The following LMTK2 variants were observed in gnomAD, a reference collection of about 807,000 sequenced individuals.
LMTK2 encodes the protein lemur tail kinase 2, also known as serine/threonine-protein kinase LMTK2.
Under a neutral mutation model 127.5 loss-of-function variants are expected in LMTK2, and 37 were observed. The ratio of observed to expected loss-of-function variants is 0.29; its 90% CI spans 0.22 to 0.38. The LOEUF is 0.38. Ranked by LOEUF, LMTK2 falls within the 10% of genes least tolerant of loss-of-function variation. The probability of loss-of-function intolerance (pLI) is 1.00; values close to 1 mark genes in which losing one functional copy is unlikely to be tolerated. For synonymous variants in LMTK2, 819 were observed against 810.1 expected (o/e 1.01, Z -0.19); for missense variants, 1,694 against 1,920.3 (o/e 0.88, Z 2.20).
chr7:98,119,091 CAAA>C (rs11309792), intron 1 of LMTK2, among the ~76,000 whole-genome samples: 8 of 89,346 alleles, frequency 9.0e-5, no homozygotes, highest in Non-Finnish European at 9.5e-5. Context: ...GAATCCATCT[CAAA>C]AAAAAAAAAA....
chr7:98,154,806 G>A lies in LMTK2; in HGVS notation c.499G>A (p.Val167Met), dbSNP rs374467008. Residue 167 changes from valine to methionine, a missense_variant, in exon 5 of 14, where the codon GTG becomes ATG. Physicochemically the swap from Val to Met is conservative, Grantham distance 21. Coordinates refer to ENST00000297293, the MANE Select transcript of LMTK2 (RefSeq NM_014916.4). The stretch of plus-strand genomic sequence containing the variant: ...GGGCACTAGCGTAGCAAGAGTCATC[G>A]TGAAGGAGTTAAAAGCAAGTGCCAA... ...YTGTSVARVI[V>M]KELKASANPK... 2.3e-5 allele frequency: 37 copies of A among 1,613,916 alleles called. No homozygotes were observed. The East Asian group carries it at 2.7e-4, about 12-fold the overall frequency.
intron 1 of LMTK2, among the ~76,000 whole-genome samples, chr7:98,114,240 G>GTTT (rs554396308): frequency 4.6e-5 from 6 of 130,962 alleles, no homozygotes; most frequent in Admixed American, 8.0e-5. Flanking sequence ...TTTTTTTAAA[G>GTTT]TTTTTTTTTT....
intron 7 of LMTK2, among the ~76,000 whole-genome samples, chr7:98,174,294 A>G (rs1797243589): frequency 1.3e-5 from 2 of 152,174 alleles, no homozygotes; most frequent in Admixed American, 1.3e-4. Context: ...AACAACCTAC[A>G]TGTCCAATTA....
intron 1 of LMTK2, among the ~76,000 whole-genome samples, chr7:98,128,375 G>A (rs1222295975): frequency 1.3e-5 from 2 of 152,132 alleles, no homozygotes; most frequent in Non-Finnish European, 2.9e-5. Flanking sequence ...GCACACGGAA[G>A]AAAGCCCCTT....
rs1797848081 is a variant in LMTK2, at chr7:98,208,919, C to T, written c.*3427C>T. ...GCCTTTCCAAACCCCTCCTTTTATT[C>T]CTGTTTCCCGAAATAAGGTATTTGT... On this transcript the variant is annotated 3_prime_UTR_variant, in exon 14 of 14. Transcript: ENST00000297293. 1 of 152,204 alleles carries T rather than the reference C, an allele frequency of 6.6e-6. No homozygotes were observed. Among genetic ancestry groups the T allele is most frequent in the African/African-American group, 2.4e-5 (1 of 41,440 alleles). The allele number at this position is 152,204 out of a possible 1,614,324, so 9.4% of individuals were successfully genotyped here. A position where few individuals can be genotyped will look rare whatever the true frequency, so the allele number is the denominator to read the frequency against.
chr7:98,111,625 G>GT (rs1398317036), intron 1 of LMTK2, among the ~76,000 whole-genome samples: 1 of 152,214 alleles, frequency 6.6e-6, no homozygotes, highest in Non-Finnish European at 1.5e-5. Flanking sequence ...CCAAAGGGTT[G>GT]TGGGGGGCAC....
chr7:98,183,715 A>G (rs1291857243), intron 7 of LMTK2, among the ~76,000 whole-genome samples: 1 of 152,028 alleles, frequency 6.6e-6, no homozygotes, highest in South Asian at 2.1e-4. Context: ...TTGTATTTTC[A>G]GTAGAAACAG....
chr7:98,180,518 T>C (rs1261757367), intron 7 of LMTK2, among the ~76,000 whole-genome samples: 1 of 152,208 alleles, frequency 6.6e-6, no homozygotes, highest in Non-Finnish European at 1.5e-5. Context: ...AGTTTTTACT[T>C]GTCAAATTGT....
Position 98,174,710 on chromosome 7 carries a change from A to C in LMTK2, c.791+3036A>C, listed in dbSNP as rs367947917. ...TTGTGTACAAAAGAACCTCTATAGG[A>C]TTTGCCAGGTTGTAGCATTACAGTT... On this transcript the variant is annotated intron_variant, in intron 7 of 13. Transcript: ENST00000297293. 7.2e-5 allele frequency among the ~76,000 whole-genome samples: 11 copies of C among 152,236 alleles called. No individual in the cohort carries two copies. In the South Asian group the frequency reaches 2.1e-3, roughly 29 times the overall value.
intron 1 of LMTK2, among the ~76,000 whole-genome samples, chr7:98,109,743 C>CA (rs1156337163): frequency 0.078 from 4,041 of 52,002 alleles, 144 homozygotes; most frequent in African/African-American, 0.13. Flanking sequence ...GACTCCGTCT[C>CA]AAAAAAAAAA....
chr7:98,123,305 A>G (rs1391403382), intron 1 of LMTK2, among the ~76,000 whole-genome samples: 1 of 152,210 alleles, frequency 6.6e-6, no homozygotes, highest in Non-Finnish European at 1.5e-5. Flanking sequence ...TTAAATCAGC[A>G]TTCATTATTT....
At chr7:98,145,100 G>A (rs998715468) in intron 3 of LMTK2, among the ~76,000 whole-genome samples, 9 of 152,068 alleles carry the variant, frequency 5.9e-5, no homozygotes, top group Non-Finnish European at 1.0e-4. Flanking sequence ...TGCAGGAGTC[G>A]ACCAATTTAT....
chr7:98,200,667 G>A (rs923775725), intron 11 of LMTK2, among the ~76,000 whole-genome samples: 1 of 152,042 alleles, frequency 6.6e-6, no homozygotes, highest in African/African-American at 2.4e-5. Flanking sequence ...CATAATTAGA[G>A]GCTGCCCAAG....
intron 1 of LMTK2, among the ~76,000 whole-genome samples, chr7:98,125,069 C>T (rs576130950): frequency 7.2e-5 from 11 of 151,780 alleles, no homozygotes; most frequent in South Asian, 6.3e-4. Context: ...TTTGGGAGGC[C>T]GAGGCGGGCG....
At chr7:98,181,948 C>T (rs1378751829) in intron 7 of LMTK2, among the ~76,000 whole-genome samples, 3 of 152,188 alleles carry the variant, frequency 2.0e-5, no homozygotes, top group African/African-American at 4.8e-5. Flanking sequence ...TGAGCCACTG[C>T]ACCCAGCCGG....
chr7:98,187,088 G>A, intron 9 of LMTK2, 90 bp downstream of exon 9: 1 of 1,197,978 alleles, frequency 8.3e-7, no homozygotes, highest in South Asian at 1.5e-5. Flanking sequence ...GAAAGTAGTT[G>A]TATAAGATGT....
chr7:98,107,647 A>T (rs1796133587), intron 1 of LMTK2, among the ~76,000 whole-genome samples: 1 of 152,058 alleles, frequency 6.6e-6, no homozygotes, highest in East Asian at 1.9e-4. Flanking sequence ...TTCGCATCTC[A>T]TAAGAACCGT....
intron 7 of LMTK2, among the ~76,000 whole-genome samples, chr7:98,176,585 C>G (rs184483176): frequency 2.6e-5 from 4 of 152,280 alleles, no homozygotes; most frequent in African/African-American, 9.6e-5. Flanking sequence ...TGGCTCACAC[C>G]TGTAATCTCA....
intron 1 of LMTK2, 68 bp downstream of exon 1, chr7:98,107,348 C>T: frequency 4.8e-6 from 2 of 412,424 alleles, no homozygotes; most frequent in Non-Finnish European, 6.1e-6. Flanking sequence ...GCGGCAGGGC[C>T]GGGCCGGCCT....
Sources: allele counts gnomAD v4.1 joint callset (sites outside exome capture counted in the v4.1 genomes callset), GRCh38; gene constraint gnomAD v4.1.1; transcripts MANE v1.5; gene names NCBI Gene and HGNC (gene_info 2026-07-23, HGNC 2026-07-21).